The following COL24A1 variants were observed in gnomAD, a reference collection of about 807,000 sequenced individuals.
COL24A1 encodes the protein collagen alpha-1(XXIV) chain.
In COL24A1, 224 loss-of-function variants were observed where a neutral mutation model predicts 253.9. That is an observed-to-expected ratio of 0.88 (90% CI 0.79 to 0.99). The LOEUF (loss-of-function observed/expected upper bound fraction) is 0.99, where lower values mean the gene tolerates loss of function less well. COL24A1 is among the 50% of genes least tolerant of loss of function. The probability of loss-of-function intolerance (pLI) is 0.00; values close to 1 mark genes in which losing one functional copy is unlikely to be tolerated. For synonymous variants in COL24A1, 685 were observed against 673.7 expected, an observed-to-expected ratio of 1.02 and a Z score of -0.26; for missense variants, 2,131 against 2,068.5, an observed-to-expected ratio of 1.03 and a Z score of -0.59.
At chr1:85,835,793 T>C (rs1675936203) in intron 43 of COL24A1, among the ~76,000 whole-genome samples, 1 of 152,134 alleles carries the variant, frequency 6.6e-6, no homozygotes. Flanking sequence ...TTGGAAGTGT[T>C]GAAAATGTTT....
At chr1:86,005,215 T>C (rs965496277) in intron 19 of COL24A1, among the ~76,000 whole-genome samples, 1 of 152,056 alleles carries the variant, frequency 6.6e-6, no homozygotes, top group African/African-American at 2.4e-5. Context: ...ACAGCAAATC[T>C]AAATAACATA....
intron 25 of COL24A1, among the ~76,000 whole-genome samples, chr1:85,910,248 G>T (rs1685234708): frequency 6.6e-6 from 1 of 151,752 alleles, no homozygotes; most frequent in South Asian, 2.1e-4. Context: ...TTAAAATGAA[G>T]AAAATAGAAA....
chr1:86,137,437 T>C lies in COL24A1; in HGVS notation c.121+8682A>G, dbSNP rs1478923334. Among the ~76,000 whole-genome samples the C allele has an allele frequency of 1.3e-5, 2 of 152,166 alleles. 1 individual carries two copies. Among genetic ancestry groups the C allele is most frequent in the African/African-American group, 4.8e-5 (2 of 41,430 alleles). On this transcript the variant is annotated intron_variant, in intron 2 of 59. Coordinates refer to ENST00000370571, the MANE Select transcript of COL24A1 (RefSeq NM_152890.7). ...ACATGTGAGAGTTAGGAAAAGTAAG[T>C]CATAGAAAAGTTAAATTATTTGCCC...
intron 52 of COL24A1, 45 bp from the exon 53 acceptor site, chr1:85,775,754 A>T (rs1186516511): frequency 6.6e-7 from 1 of 1,518,858 alleles, no homozygotes; most frequent in East Asian, 2.3e-5. Context: ...ATTGATAGTT[A>T]CGTATTAAAT....
At chr1:85,795,273 G>GA (rs111518403) in intron 47 of COL24A1, among the ~76,000 whole-genome samples, 152 of 152,148 alleles carry the variant, frequency 1.0e-3, no homozygotes, top group African/African-American at 3.5e-3. Context: ...CACACATTTA[G>GA]AAAAAAGATA....
Position 86,022,289 on chromosome 1 carries a change from G to A in COL24A1, c.2207C>T (p.Ala736Val). Residue 736 changes from alanine (A) to valine (V), a missense_variant, in exon 18 of 60, where the codon GCT (alanine) becomes GTT (valine). Transcript: ENST00000370571. ...CCCTGGTGGTCCTGGTAAACCAACA[G>A]CACCCTAAGAGAAGAGAATAACAGA... ...GEPGYPGDKG[A>V]VGLPGPPGMR... The A allele has an allele frequency of 6.3e-7, 1 of 1,587,820 alleles. No individual in the cohort carries two copies. The highest frequency in any genetic ancestry group is 8.5e-7 in the Non-Finnish European group (1 of 1,172,484).
chr1:86,097,429 CCTT>C (rs1474075181), intron 5 of COL24A1, among the ~76,000 whole-genome samples: 40 of 149,764 alleles, frequency 2.7e-4, no homozygotes, highest in Admixed American at 8.0e-4. Flanking sequence ...TTCTCCTCCT[CCTT>C]CTTCTTCTCC....
intron 47 of COL24A1, among the ~76,000 whole-genome samples, chr1:85,810,216 A>T (rs1002677063): frequency 2.6e-5 from 4 of 152,154 alleles, no homozygotes; most frequent in Non-Finnish European, 4.4e-5. Flanking sequence ...ATATATTAGC[A>T]TGCTAAAAGA....
chr1:85,831,804 A>G (rs1675323250), intron 43 of COL24A1, among the ~76,000 whole-genome samples: 1 of 152,050 alleles, frequency 6.6e-6, no homozygotes, highest in African/African-American at 2.4e-5. Flanking sequence ...TTAGGTAGAA[A>G]ATGGATCTGA....
At chr1:85,756,371 A>T (rs963188714) in intron 55 of COL24A1, among the ~76,000 whole-genome samples, 2 of 152,062 alleles carry the variant, frequency 1.3e-5, no homozygotes, top group Non-Finnish European at 2.9e-5. Flanking sequence ...GTGAGCTGAG[A>T]TCGCACCACT....
At chr1:85,759,526 C>A (rs1053786913) in intron 55 of COL24A1, among the ~76,000 whole-genome samples, 1 of 152,046 alleles carries the variant, frequency 6.6e-6, no homozygotes, top group African/African-American at 2.4e-5. Context: ...ACGGACTCTG[C>A]AAGTTCCAGG....
chr1:85,790,715 G>A (rs1295552753), intron 47 of COL24A1, among the ~76,000 whole-genome samples: 2 of 151,996 alleles, frequency 1.3e-5, no homozygotes, highest in African/African-American at 2.4e-5. Flanking sequence ...AGTGGACTTC[G>A]AATATTGTAT....
chr1:85,909,926 T>C (rs1280075122), intron 26 of COL24A1, 24 bp downstream of exon 26: 2 of 1,594,160 alleles, frequency 1.3e-6, no homozygotes, highest in Non-Finnish European at 1.7e-6. Flanking sequence ...TGGAAACATA[T>C]TTTTCAAATC....
intron 29 of COL24A1, 71 bp downstream of exon 29, chr1:85,896,285 T>C (rs540943054): frequency 2.8e-6 from 4 of 1,413,648 alleles, no homozygotes; most frequent in Non-Finnish European, 4.0e-6. Flanking sequence ...ATATATTGTT[T>C]TTTAGACTAG....
At chr1:85,922,580 G>A (rs559748627) in intron 24 of COL24A1, among the ~76,000 whole-genome samples, 7 of 152,294 alleles carry the variant, frequency 4.6e-5, no homozygotes, top group Admixed American at 3.9e-4. Context: ...AGCTTCATAG[G>A]TGAAGGAGAA....
At chr1:86,104,927 C>T (rs1218633185) in intron 5 of COL24A1, among the ~76,000 whole-genome samples, 4 of 152,210 alleles carry the variant, frequency 2.6e-5, no homozygotes, top group African/African-American at 9.6e-5. Flanking sequence ...CAGGTATTTA[C>T]AGCAGTGGCA....
intron 19 of COL24A1, among the ~76,000 whole-genome samples, chr1:85,992,749 A>G (rs563940563): frequency 6.6e-6 from 1 of 152,340 alleles, no homozygotes; most frequent in Admixed American, 6.5e-5. Context: ...GAAAACATTA[A>G]TAAGTCCAAA....
At chr1:86,113,837 CAAAAAAAAAAAAAA>C (rs36014881) in intron 4 of COL24A1, among the ~76,000 whole-genome samples, 1 of 72,406 alleles carries the variant, frequency 1.4e-5, no homozygotes, top group Non-Finnish European at 2.3e-5. Context: ...TCCTGTCTCA[CAAAAAAAAAAAAAA>C]AAAAAAAAAA....
At chr1:85,800,379 A>T (rs892604625) in intron 47 of COL24A1, among the ~76,000 whole-genome samples, 1 of 152,168 alleles carries the variant, frequency 6.6e-6, no homozygotes, top group African/African-American at 2.4e-5. Context: ...ACCTGACAAG[A>T]TTCTTTGCTA....
Sources: allele counts gnomAD v4.1 joint callset (sites outside exome capture counted in the v4.1 genomes callset), GRCh38; gene constraint gnomAD v4.1.1; transcripts MANE v1.5; gene names NCBI Gene and HGNC (gene_info 2026-07-23, HGNC 2026-07-21).